Variants in GPR176 observed in about 807,000 individuals in gnomAD.
The protein encoded by GPR176 is G-protein coupled receptor 176.
A neutral mutation model predicts 35.4 loss-of-function variants in GPR176; 26 were observed. The observed-to-expected ratio is 0.74, with a 90% CI of 0.54 to 1.02. The LOEUF is 1.02. GPR176 is among the 50% of genes least tolerant of loss of function. The pLI is 0.00. For synonymous variants in GPR176, 278 were observed against 271.3 expected (o/e 1.02, Z -0.24); for missense variants, 597 against 665.3 (o/e 0.90, Z 1.13).
chr15:39,906,853 A>G (rs369855314), intron 1 of GPR176, among the ~76,000 whole-genome samples: 11 of 152,218 alleles, frequency 7.2e-5, no homozygotes, highest in African/African-American at 2.4e-4. Context: ...CATTCAATTA[A>G]TCACTATGTA....
intron 1 of GPR176, among the ~76,000 whole-genome samples, chr15:39,847,366 G>T (rs966076144): frequency 2.0e-5 from 3 of 152,046 alleles, no homozygotes; most frequent in Non-Finnish European, 2.9e-5. Context: ...CCAACTACAC[G>T]CTATCTCCAA....
chr15:39,885,765 A>G (rs74008987), intron 1 of GPR176, among the ~76,000 whole-genome samples: 1,898 of 152,322 alleles, frequency 0.012, 47 homozygotes, highest in African/African-American at 0.041. Context: ...GGCAAGAAAG[A>G]AAAATAATTA....
intron 1 of GPR176, among the ~76,000 whole-genome samples, chr15:39,826,314 C>A (rs1878086224): frequency 6.6e-6 from 1 of 152,108 alleles, no homozygotes. Flanking sequence ...AAAGTCACTT[C>A]TAGAAAAACC....
At chr15:39,833,501 G>A (rs1416116420) in intron 1 of GPR176, among the ~76,000 whole-genome samples, 1 of 152,106 alleles carries the variant, frequency 6.6e-6, no homozygotes, top group African/African-American at 2.4e-5. Context: ...GAGGGCGAAG[G>A]GAACTTGGGG....
At chr15:39,822,712 A>G (rs950136948) in intron 1 of GPR176, among the ~76,000 whole-genome samples, 11 of 152,366 alleles carry the variant, frequency 7.2e-5, no homozygotes, top group African/African-American at 2.6e-4. Flanking sequence ...TATAAAGAAC[A>G]CCAAAACCTA....
At chr15:39,826,043 C>T (rs1248476262) in intron 1 of GPR176, among the ~76,000 whole-genome samples, 2 of 152,092 alleles carry the variant, frequency 1.3e-5, no homozygotes, top group East Asian at 1.9e-4. Flanking sequence ...CATTCACTGC[C>T]GTTATGGGGG....
chr15:39,851,793 T>C (rs1052369306), intron 1 of GPR176, among the ~76,000 whole-genome samples: 2 of 152,186 alleles, frequency 1.3e-5, no homozygotes, highest in Admixed American at 1.3e-4. Context: ...TTTTAGCACA[T>C]GAAGAATTTG....
At chr15:39,882,788 C>T (rs1192893214) in intron 1 of GPR176, among the ~76,000 whole-genome samples, 1 of 152,170 alleles carries the variant, frequency 6.6e-6, no homozygotes, top group Non-Finnish European at 1.5e-5. Flanking sequence ...GGGCAGAGGG[C>T]ATTAGACTGA....
intron 1 of GPR176, among the ~76,000 whole-genome samples, chr15:39,894,200 A>C (rs1260233207): frequency 2.7e-5 from 3 of 109,660 alleles, no homozygotes; most frequent in African/African-American, 7.2e-5. Context: ...ACTTCCCAGT[A>C]GGGGTGGCCG....
chr15:39,819,984 A>C (rs1595447411), intron 1 of GPR176, among the ~76,000 whole-genome samples: 2 of 152,254 alleles, frequency 1.3e-5, no homozygotes, highest in Admixed American at 1.3e-4. Flanking sequence ...AGCTGAATTT[A>C]GTAGGCAAGG....
chr15:39,857,194 G>A lies in GPR176; in HGVS notation c.173-49936C>T, dbSNP rs374305763. ...AAAAAGGAGCAGTGGACAAAATCTTGATGAATGTCAAAGTCCATGAATGTT... is the reference window on the plus strand; with the variant it reads ...AAAAAGGAGCAGTGGACAAAATCTTAATGAATGTCAAAGTCCATGAATGTT... On this transcript the variant is annotated intron_variant, in intron 1 of 2. Transcript: ENST00000561100. Among the ~76,000 whole-genome samples the A allele has an allele frequency of 3.3e-5, 5 of 152,330 alleles. 1 individual carries two copies. Among genetic ancestry groups the A allele is most frequent in the East Asian group, 1.9e-4 (1 of 5,180 alleles).
At chr15:39,827,766 A>C (rs997992407) in intron 1 of GPR176, among the ~76,000 whole-genome samples, 2 of 152,244 alleles carry the variant, frequency 1.3e-5, no homozygotes, top group African/African-American at 4.8e-5. Flanking sequence ...GCACCAATCT[A>C]ATATTAAATG....
At chr15:39,813,549 T>A (rs1406294723) in intron 1 of GPR176, 1 of 152,242 alleles carries the variant, frequency 6.6e-6, no homozygotes, top group Non-Finnish European at 1.5e-5. Flanking sequence ...CTTCTCTGCG[T>A]ATAATGTGTC....
intron 1 of GPR176, among the ~76,000 whole-genome samples, chr15:39,912,453 C>T (rs989770589): frequency 1.3e-5 from 2 of 150,942 alleles, no homozygotes; most frequent in Non-Finnish European, 3.0e-5. Flanking sequence ...CCCATCTCTA[C>T]CAAGAAAAAA....
intron 2 of GPR176, among the ~76,000 whole-genome samples, chr15:39,806,574 G>A (rs2140782146): frequency 1.3e-5 from 2 of 152,298 alleles, no homozygotes; most frequent in African/African-American, 4.8e-5. Context: ...AGATCCAAGT[G>A]GACCATCTAA....
At chr15:39,803,271 C>CT (rs769645892) in intron 2 of GPR176, among the ~76,000 whole-genome samples, 1,037 of 85,574 alleles carry the variant, frequency 0.012, 114 homozygotes, top group African/African-American at 0.03. Context: ...ACAAGTACTT[C>CT]TTTTTTTTTT....
At chr15:39,837,925 G>T (rs1002689676) in intron 1 of GPR176, among the ~76,000 whole-genome samples, 2 of 151,084 alleles carry the variant, frequency 1.3e-5, no homozygotes, top group Non-Finnish European at 2.9e-5. Context: ...GGCTGAGGGA[G>T]GAGGATAGTT....
chr15:39,832,705 TAAG>T (rs1470057494), intron 1 of GPR176, among the ~76,000 whole-genome samples: 16 of 139,838 alleles, frequency 1.1e-4, no homozygotes, highest in African/African-American at 3.7e-4. Context: ...TATAATGTCT[TAAG>T]AAAGTTTACA....
At chr15:39,907,892 G>A (rs974569036) in intron 1 of GPR176, among the ~76,000 whole-genome samples, 1 of 152,198 alleles carries the variant, frequency 6.6e-6, no homozygotes, top group Non-Finnish European at 1.5e-5. Flanking sequence ...GGCTGAGGCA[G>A]AAGAACTGCT....
Sources: allele counts gnomAD v4.1 joint callset (sites outside exome capture counted in the v4.1 genomes callset), GRCh38; gene constraint gnomAD v4.1.1; transcripts MANE v1.5; gene names NCBI Gene and HGNC (gene_info 2026-07-23, HGNC 2026-07-21).